The following OR6N1 variants were observed in gnomAD, a reference collection of about 807,000 sequenced individuals.
OR6N1 encodes olfactory receptor 6N1.
For synonymous variants in OR6N1, 170 were observed against 150.7 expected, an observed-to-expected ratio of 1.13 and a Z score of -0.94; for missense variants, 394 against 371.7, an observed-to-expected ratio of 1.06 and a Z score of -0.49.
the OR6N1 span, among the ~76,000 whole-genome samples, chr1:158,779,024 A>AAAAAAAAAAAAAAAAAAAAAAAAG: frequency 2.0e-5 from 3 of 151,204 alleles, no homozygotes; most frequent in African/African-American, 7.3e-5. Flanking sequence ...GTCTCAAAAA[A>AAAAAAAAAAAAAAAAAAAAAAAAG]AAAAAAAAGA....
At chr1:158,805,947 C>G in the OR6N1 span, among the ~76,000 whole-genome samples, 1 of 152,146 alleles carries the variant, frequency 6.6e-6, no homozygotes, top group South Asian at 2.1e-4. Flanking sequence ...GTTCACTGCA[C>G]AGTATGCACC....
chr1:158,836,464 G>C, the OR6N1 span, among the ~76,000 whole-genome samples: 1 of 151,824 alleles, frequency 6.6e-6, no homozygotes, highest in African/African-American at 2.4e-5. Flanking sequence ...CAGGTTGTAT[G>C]TTTCTAATAA....
At chr1:158,789,555 G>T in the OR6N1 span, among the ~76,000 whole-genome samples, 1 of 152,068 alleles carries the variant, frequency 6.6e-6, no homozygotes, top group Non-Finnish European at 1.5e-5. Context: ...ATATTTCATT[G>T]TGGTTTTGGT....
the OR6N1 span, among the ~76,000 whole-genome samples, chr1:158,792,209 G>T: frequency 6.6e-6 from 1 of 152,060 alleles, no homozygotes; most frequent in Non-Finnish European, 1.5e-5. Context: ...TGTAAGAATA[G>T]CTATTCCTTC....
At chr1:158,818,108 TAC>T in the OR6N1 span, among the ~76,000 whole-genome samples, 4 of 152,222 alleles carry the variant, frequency 2.6e-5, no homozygotes, top group African/African-American at 9.6e-5. Flanking sequence ...TCTGGACTAT[TAC>T]TAAATACCAA....
In OR6N1 at chr1:158,765,037, T is replaced by A. The variant is rs1243222562; in HGVS notation, c.*707A>T. ...CTAGATATTGTTCTAAGACCCAGAG[T>A]AATGATGTGAAGTCTTCGCAGAATA... On this transcript the variant is annotated 3_prime_UTR_variant, in exon 2 of 2. Transcript: ENST00000641846. The A allele has an allele frequency of 1.3e-5, 2 of 152,062 alleles. No homozygotes were observed. Among genetic ancestry groups the A allele is most frequent in the East Asian group, 1.9e-4 (1 of 5,190 alleles). The allele number at this position is 152,062 out of a possible 1,614,324, so 9.4% of individuals were successfully genotyped here. A position where few individuals can be genotyped will look rare whatever the true frequency, so the allele number is the denominator to read the frequency against.
upstream of OR6N1, chr1:158,776,972 T>A (rs1392024268): frequency 1.9e-6 from 3 of 1,614,006 alleles, no homozygotes; most frequent in Non-Finnish European, 2.5e-6. Context: ...ACAGCCCCAA[T>A]GATCCTTGCA....
the OR6N1 span, among the ~76,000 whole-genome samples, chr1:158,829,530 G>A: frequency 2.6e-5 from 4 of 152,108 alleles, no homozygotes; most frequent in African/African-American, 7.2e-5. Context: ...CCACAGCCTG[G>A]ATCTTATTGT....
chr1:158,776,895 C>A (rs139708565), upstream of OR6N1: 32 of 1,613,914 alleles, frequency 2.0e-5, no homozygotes, highest in East Asian at 1.3e-4. Context: ...AGATGAGGAC[C>A]ACAGCAAGAT....
chr1:158,787,635 T>TCTCTCTCTCTCACACACACA, the OR6N1 span, among the ~76,000 whole-genome samples: 1 of 134,318 alleles, frequency 7.4e-6, no homozygotes, highest in Admixed American at 7.3e-5. Flanking sequence ...TCTCTCTCTC[T>TCTCTCTCTCTCACACACACA]CACACACACA....
intron 1 of OR6N1, among the ~76,000 whole-genome samples, chr1:158,770,990 T>C (rs1189183911): frequency 6.6e-6 from 1 of 152,250 alleles, no homozygotes; most frequent in African/African-American, 2.4e-5. Flanking sequence ...GAGTCATGTG[T>C]TCAAACATTC....
At chr1:158,807,221 G>A in the OR6N1 span, among the ~76,000 whole-genome samples, 1 of 152,054 alleles carries the variant, frequency 6.6e-6, no homozygotes, top group Non-Finnish European at 1.5e-5. Context: ...CGTAAATATT[G>A]GGATGTTCTT....
At chr1:158,831,587 A>G in the OR6N1 span, 1 of 152,224 alleles carries the variant, frequency 6.6e-6, no homozygotes, top group African/African-American at 2.4e-5. Flanking sequence ...CTTTAGAGAA[A>G]GATCTAGGTA....
chr1:158,837,971 T>C, the OR6N1 span, among the ~76,000 whole-genome samples: 1 of 151,968 alleles, frequency 6.6e-6, no homozygotes, highest in African/African-American at 2.4e-5. Flanking sequence ...TTCAATCATA[T>C]GCAAAATGTT....
chr1:158,785,941 C>G, the OR6N1 span, among the ~76,000 whole-genome samples: 1 of 151,816 alleles, frequency 6.6e-6, no homozygotes, highest in African/African-American at 2.4e-5. Context: ...ATGTTGTCCC[C>G]TCTAAATCTC....
chr1:158,838,506 A>G, the OR6N1 span, among the ~76,000 whole-genome samples: 5 of 152,138 alleles, frequency 3.3e-5, no homozygotes, highest in South Asian at 6.2e-4. Context: ...CGCTTTTTAA[A>G]TGATTTTCTT....
the OR6N1 span, among the ~76,000 whole-genome samples, chr1:158,839,230 T>G: frequency 6.6e-6 from 1 of 152,310 alleles, no homozygotes; most frequent in East Asian, 1.9e-4. Context: ...GGGAGGACTT[T>G]CACTCTTCAG....
chr1:158,787,635 TCACA>T, the OR6N1 span, among the ~76,000 whole-genome samples: 1,881 of 134,198 alleles, frequency 0.014, 42 homozygotes, highest in African/African-American at 0.046. Context: ...TCTCTCTCTC[TCACA>T]CACACACACA....
chr1:158,838,269 T>C, the OR6N1 span, among the ~76,000 whole-genome samples: 1 of 152,052 alleles, frequency 6.6e-6, no homozygotes, highest in South Asian at 2.1e-4. Context: ...TTAAGGTAGA[T>C]ATAGTGGTAA....
Sources: gnomAD v4.1 joint callset for allele counts (sites outside exome capture counted in the v4.1 genomes callset) on GRCh38, gnomAD v4.1.1 for gene constraint, MANE v1.5 for transcripts, NCBI Gene and HGNC (gene_info 2026-07-23, HGNC 2026-07-21) for gene names.